The following BRIP1 variants were observed in gnomAD, a reference collection of about 807,000 sequenced individuals.
The protein encoded by BRIP1 is BRCA1 interacting DNA helicase 1.
A neutral mutation model predicts 119.7 loss-of-function variants in BRIP1; 88 were observed. The ratio of observed to expected loss-of-function variants is 0.74; its 90% confidence interval spans 0.62 to 0.88. BRIP1 has a LOEUF of 0.88. Among genes scored for constraint, BRIP1 ranks in the 40% least tolerant of loss-of-function variants. BRIP1 has a pLI of 0.00. For missense variants in BRIP1, 1,259 were observed against 1,455.4 expected (o/e 0.87, Z 2.20); for synonymous variants, 443 against 496.5 (o/e 0.89, Z 1.43).
intron 17 of BRIP1, among the ~76,000 whole-genome samples, chr17:61,711,033 CAAA>C (rs11308154): frequency 2.7e-5 from 3 of 110,648 alleles, no homozygotes; most frequent in Non-Finnish European, 5.5e-5. Context: ...GACTCCATCT[CAAA>C]AAAAAAAAAA....
Position 61,760,253 on chromosome 17 carries a change from C to T in BRIP1, c.2098-15662G>A, listed in dbSNP as rs2077259196. On this transcript the variant is annotated intron_variant, in intron 14 of 19. Coordinates refer to ENST00000259008, the MANE Select transcript of BRIP1 (RefSeq NM_032043.3). The surrounding 1 kb of genome is among the most constrained non-coding windows in gnomAD (Gnocchi z 4.6). ...TTTAAAAAAAATATATTGAGACAAACAAAAATGGAAACACAACATACCAAA... is the reference window on the plus strand; with the variant it reads ...TTTAAAAAAAATATATTGAGACAAATAAAAATGGAAACACAACATACCAAA... 6.6e-6 allele frequency among the ~76,000 whole-genome samples: 1 copy of T among 151,454 alleles called. No homozygotes were observed. Among genetic ancestry groups the T allele is most frequent in the South Asian group, 2.1e-4 (1 of 4,810 alleles).
intron 14 of BRIP1, among the ~76,000 whole-genome samples, chr17:61,747,776 C>G (rs1295456565): frequency 6.6e-6 from 1 of 152,000 alleles, no homozygotes; most frequent in Non-Finnish European, 1.5e-5. Flanking sequence ...TGCTCTGTCA[C>G]CCAGGCTGGA....
rs1362286314 is a variant in BRIP1 at position 61,704,965 on chromosome 17, T to C, written c.2492+10986A>G. On this transcript the variant is annotated intron_variant, in intron 17 of 19. Coordinates refer to ENST00000259008, the MANE Select transcript of BRIP1 (RefSeq NM_032043.3). The surrounding 1 kb of genome is among the most constrained non-coding windows in gnomAD (Gnocchi z 5.7). ...TTTATTTTATTTTAGATTCCAGGAG[T>C]ACATGTGCAGGTTTGTTACAAAGGT... 5.3e-5 allele frequency among the ~76,000 whole-genome samples: 8 copies of C among 152,098 alleles called. No homozygotes were observed. Among genetic ancestry groups the C allele is most frequent in the African/African-American group, 1.7e-4 (7 of 41,408 alleles).
intron 6 of BRIP1, among the ~76,000 whole-genome samples, chr17:61,836,131 G>C (rs1165143519): frequency 2.4e-5 from 1 of 42,480 alleles, no homozygotes; most frequent in East Asian, 5.9e-4. Flanking sequence ...TTTTTTTTTT[G>C]AGACAGGTTT....
In BRIP1 at chr17:61,693,321, T is replaced by C. The variant is rs1293505438; in HGVS notation, c.2575+109A>G. ...ATACTGTGCTTATAGTTAACAATAT[T>C]GTACTGTGCACTTAATAAGATAGTA... On this transcript the variant is annotated intron_variant, in intron 18 of 19. Coordinates refer to ENST00000259008, the MANE Select transcript of BRIP1 (RefSeq NM_032043.3). The surrounding 1 kb of genome is among the most constrained non-coding windows in gnomAD (Gnocchi z 4.2). 24 of 983,964 alleles carry C rather than the reference T, an allele frequency of 2.4e-5. No homozygotes were observed. The highest frequency in any genetic ancestry group is 3.9e-5 in the Non-Finnish European group (24 of 618,048). 61.0% of individuals were successfully genotyped at this position (983,964 alleles called of 1,614,324 possible).
Position 61,736,759 on chromosome 17 carries a change from G to A in BRIP1, c.2379+6254C>T, listed in dbSNP as rs1488381112. Among the ~76,000 whole-genome samples, 1 of 152,124 alleles carries A rather than the reference G, an allele frequency of 6.6e-6. No individual in the cohort carries two copies. Among genetic ancestry groups the A allele is most frequent in the Non-Finnish European group, 1.5e-5 (1 of 67,978 alleles). On this transcript the variant is annotated intron_variant, in intron 16 of 19. Transcript: ENST00000259008. This position sits in a 1 kb window ranked among gnomAD's most constrained non-coding sequence, Gnocchi z 4.4. ...TTAGTTGTAGAGACACAAAGATGCTGAAGAAATTATCCCTATCCTCAAGGT... is the reference window on the plus strand; with the variant it reads ...TTAGTTGTAGAGACACAAAGATGCTAAAGAAATTATCCCTATCCTCAAGGT...
At position 61,798,820 on chromosome 17, in the gene BRIP1, A is replaced by G. The variant is rs1419839824; in HGVS notation, c.1340+280T>C. Among the ~76,000 whole-genome samples, 3 of 152,204 alleles carry G rather than the reference A, an allele frequency of 2.0e-5. No homozygotes were observed. The highest frequency in any genetic ancestry group is 7.2e-5 in the African/African-American group (3 of 41,552). On this transcript the variant is annotated intron_variant, in intron 9 of 19. Transcript: ENST00000259008. This position sits in a 1 kb window ranked among gnomAD's most constrained non-coding sequence, Gnocchi z 5.5. ...AAAAGCACGTTTAGTTTCTGGTTCA[A>G]TATCCTAGACACATCCTTCGGGGCT...
In BRIP1 at chr17:61,799,441, A is replaced by T; in HGVS notation, c.1141-142T>A. 1 of 681,102 alleles carries T rather than the reference A, an allele frequency of 1.5e-6. No individual in the cohort carries two copies. Among genetic ancestry groups the T allele is most frequent in the Admixed American group, 2.7e-5 (1 of 36,638 alleles). The allele number at this position is 681,102 out of a possible 1,614,324, so 42.2% of individuals were successfully genotyped here. The stretch of plus-strand genomic sequence containing the variant: ...TAAGCAACAGAGATTCTAGGTCTTA[A>T]ATAAAACTTCTGAAGCACTATGGCC... On this transcript the variant is annotated intron_variant, in intron 8 of 19. Coordinates refer to ENST00000259008, the MANE Select transcript of BRIP1 (RefSeq NM_032043.3). This position sits in a 1 kb window ranked among gnomAD's most constrained non-coding sequence, Gnocchi z 5.1.
rs1393118978 is a variant in BRIP1, at chr17:61,695,746, G to T, written c.2493-2234C>A. On this transcript the variant is annotated intron_variant, in intron 17 of 19. Transcript: ENST00000259008. The surrounding 1 kb of genome is among the most constrained non-coding windows in gnomAD (Gnocchi z 4.3). ...TCTTCTTTCTGATGTTATTTTAAAT[G>T]GTATTTTTTAAGTTCATTTTTAGAT... 2.0e-5 allele frequency among the ~76,000 whole-genome samples: 3 copies of T among 152,032 alleles called. No homozygotes were observed. In the East Asian group the frequency reaches 5.8e-4, roughly 29 times the overall value.
At position 61,713,867 on chromosome 17, in the gene BRIP1, A is replaced by T. The variant is rs2061817810; in HGVS notation, c.2492+2084T>A. On this transcript the variant is annotated intron_variant, in intron 17 of 19. Coordinates refer to ENST00000259008, the MANE Select transcript of BRIP1 (RefSeq NM_032043.3). The surrounding 1 kb of genome is among the most constrained non-coding windows in gnomAD (Gnocchi z 4.9). ...AGTTTAAAAAGTAAAAAAATAAAAAATAAAAATTTCAAAAATAGAAAAAGC... is the reference window on the plus strand; with the variant it reads ...AGTTTAAAAAGTAAAAAAATAAAAATTAAAAATTTCAAAAATAGAAAAAGC... Among the ~76,000 whole-genome samples, 1 of 152,088 alleles carries T rather than the reference A, an allele frequency of 6.6e-6. No individual in the cohort carries two copies. Among genetic ancestry groups the T allele is most frequent in the African/African-American group, 2.4e-5 (1 of 41,452 alleles).
chr17:61,850,286 G>C (rs568294793), intron 4 of BRIP1, among the ~76,000 whole-genome samples: 1 of 151,884 alleles, frequency 6.6e-6, no homozygotes, highest in Non-Finnish European at 1.5e-5. Context: ...ATTTTTAATA[G>C]AGACGGGGTT....
chr17:61,792,143 C>T (rs1311560300), intron 10 of BRIP1, among the ~76,000 whole-genome samples: 4 of 152,308 alleles, frequency 2.6e-5, no homozygotes, highest in South Asian at 4.1e-4. Flanking sequence ...CACAAGCATG[C>T]AATCATAGTG....
Position 61,689,521 on chromosome 17 carries a change from A to G in BRIP1, c.2576-3356T>C, listed in dbSNP as rs114780743. Among the ~76,000 whole-genome samples the G allele has an allele frequency of 1.9e-3, 283 of 152,322 alleles. 1 individual carries two copies. The highest frequency in any genetic ancestry group is 6.2e-3 in the African/African-American group (256 of 41,578). ...AGCAGAAAGCTTATTTATAGAAATAATGACCGAAAACTTAATAAACCTGGG... is the reference window on the plus strand; with the variant it reads ...AGCAGAAAGCTTATTTATAGAAATAGTGACCGAAAACTTAATAAACCTGGG... On this transcript the variant is annotated intron_variant, in intron 18 of 19. Coordinates refer to ENST00000259008, the MANE Select transcript of BRIP1 (RefSeq NM_032043.3). The surrounding 1 kb of genome is among the most constrained non-coding windows in gnomAD (Gnocchi z 4.5).
chr17:61,784,665 C>T (rs1004808879), intron 10 of BRIP1, among the ~76,000 whole-genome samples: 1 of 152,156 alleles, frequency 6.6e-6, no homozygotes, highest in Admixed American at 6.5e-5. Flanking sequence ...TAGATTAACG[C>T]CCTCCCTAAG....
In BRIP1 at chr17:61,832,533, G is replaced by C. The variant is rs1325261141; in HGVS notation, c.627+14568C>G. Among the ~76,000 whole-genome samples, 1 of 152,158 alleles carries C rather than the reference G, an allele frequency of 6.6e-6. No individual in the cohort carries two copies. The highest frequency in any genetic ancestry group is 1.5e-5 in the Non-Finnish European group (1 of 68,020). On this transcript the variant is annotated intron_variant, in intron 6 of 19. Transcript: ENST00000259008. This position sits in a 1 kb window ranked among gnomAD's most constrained non-coding sequence, Gnocchi z 5.5. The stretch of plus-strand genomic sequence containing the variant: ...TGCGTGCCACCTTATAAGATGCAAT[G>C]AGCAGAAGGCATCACTTCTGTGACA...
In BRIP1 at chr17:61,710,169, A is replaced by C. The variant is rs1245799863; in HGVS notation, c.2492+5782T>G. On this transcript the variant is annotated intron_variant, in intron 17 of 19. Transcript: ENST00000259008. This position sits in a 1 kb window ranked among gnomAD's most constrained non-coding sequence, Gnocchi z 5.4. ...GATAGCTGGGCTCTCCATTTAAAAA[A>C]ATTAATAAAATTCTAAAAGTACAGT... Among the ~76,000 whole-genome samples, 1 of 152,170 alleles carries C rather than the reference A, an allele frequency of 6.6e-6. No individual in the cohort carries two copies. Among genetic ancestry groups the C allele is most frequent in the East Asian group, 1.9e-4 (1 of 5,200 alleles).
intron 16 of BRIP1, among the ~76,000 whole-genome samples, chr17:61,721,692 CTTTTTTTTT>C (rs71150632): frequency 2.7e-5 from 2 of 73,626 alleles, no homozygotes; most frequent in African/African-American, 1.2e-4. Context: ...TAGACTTTGC[CTTTTTTTTT>C]TTTTTTTTTT....
At chr17:61,715,908 G>T (rs747008877) in intron 17 of BRIP1, 43 bp downstream of exon 17, 2 of 1,250,462 alleles carry the variant, frequency 1.6e-6, no homozygotes, top group Non-Finnish European at 2.3e-6. Flanking sequence ...TATATATATA[G>T]CCCTGTCACA....
At position 61,746,433 on chromosome 17, in the gene BRIP1, G is replaced by A. The variant is rs1336396184; in HGVS notation, c.2098-1842C>T. ...AAGTAGCTGGATAGATAAAAACGCT[G>A]TCTGCAAGTGACTCACTTTAAATTT... On this transcript the variant is annotated intron_variant, in intron 14 of 19. Transcript: ENST00000259008. The surrounding 1 kb of genome is among the most constrained non-coding windows in gnomAD (Gnocchi z 4.9). Among the ~76,000 whole-genome samples, 2 of 152,100 alleles carry A rather than the reference G, an allele frequency of 1.3e-5. No individual in the cohort carries two copies. The highest frequency in any genetic ancestry group is 2.9e-5 in the Non-Finnish European group (2 of 67,986).
Sources: allele counts gnomAD v4.1 joint callset (sites outside exome capture counted in the v4.1 genomes callset), GRCh38; gene constraint gnomAD v4.1.1; non-coding constraint Gnocchi (gnomAD v3.1); transcripts MANE v1.5; gene names NCBI Gene and HGNC (gene_info 2026-07-23, HGNC 2026-07-21).